Variants in GALNT11 observed in about 807,000 individuals in gnomAD.
The protein encoded by GALNT11 is UDP-GalNAc:polypeptide N-acetylgalactosaminyltransferase 11.
In GALNT11, 47 loss-of-function variants were observed where a neutral mutation model predicts 72.7. That is an observed-to-expected ratio of 0.65 (90% confidence interval 0.51 to 0.82). The LOEUF is 0.82. Among genes scored for constraint, GALNT11 ranks in the 40% least tolerant of loss-of-function variants. The pLI is 0.00. For synonymous variants in GALNT11, 270 were observed against 286.6 expected (o/e 0.94, Z 0.58); for missense variants, 677 against 778.4 (o/e 0.87, Z 1.55).
rs577807144 is a variant in GALNT11, at chr7:152,035,253, C to T, written c.-39+9369C>T. The stretch of plus-strand genomic sequence containing the variant: ...ATTATGTCTTTCTAATTGGTGAGCC[C>T]GGGTGCCTAAAGAAGGTTAACAGAG... On this transcript the variant is annotated intron_variant, in intron 1 of 11. Coordinates refer to ENST00000430044, the MANE Select transcript of GALNT11 (RefSeq NM_022087.4). Among the ~76,000 whole-genome samples, 38 of 152,200 alleles carry T rather than the reference C, an allele frequency of 2.5e-4. No homozygotes were observed. The South Asian group carries it at 4.8e-3, about 19-fold the overall frequency.
intron 1 of GALNT11, among the ~76,000 whole-genome samples, chr7:152,076,924 A>G (rs1441823952): frequency 1.3e-5 from 2 of 152,178 alleles, no homozygotes; most frequent in Admixed American, 6.5e-5. Context: ...GGAGGAAAAA[A>G]GTTTTCTGAA....
chr7:152,120,996 AATGCGCAG>A, intron 11 of GALNT11, 28 bp downstream of exon 11: 1 of 1,604,842 alleles, frequency 6.2e-7, no homozygotes, highest in Non-Finnish European at 8.5e-7. Context: ...ATGTTGGGAG[AATGCGCAG>A]AGGCCCACAA....
chr7:152,068,515 T>C (rs2084444941), intron 1 of GALNT11, among the ~76,000 whole-genome samples: 1 of 152,236 alleles, frequency 6.6e-6, no homozygotes, highest in Non-Finnish European at 1.5e-5. Flanking sequence ...TTTGATAGTT[T>C]AAAGAAATTG....
At chr7:152,045,352 G>T (rs1563044715) in intron 1 of GALNT11, among the ~76,000 whole-genome samples, 1 of 152,050 alleles carries the variant, frequency 6.6e-6, no homozygotes, top group African/African-American at 2.4e-5. Context: ...GAATAGTTTC[G>T]GTAGGATTGG....
intron 1 of GALNT11, among the ~76,000 whole-genome samples, chr7:152,030,649 C>T (rs1480012596): frequency 2.6e-5 from 4 of 152,070 alleles, no homozygotes; most frequent in Admixed American, 1.3e-4. Context: ...TCTTTGATGA[C>T]TTCTTTGTCT....
intron 1 of GALNT11, among the ~76,000 whole-genome samples, chr7:152,069,899 G>A (rs764498643): frequency 8.2e-4 from 124 of 152,078 alleles, no homozygotes; most frequent in Non-Finnish European, 1.2e-3. Flanking sequence ...GACAATTCAC[G>A]TTAGAAGTGA....
intron 2 of GALNT11, among the ~76,000 whole-genome samples, chr7:152,099,503 A>G (rs1166169796): frequency 7.2e-6 from 1 of 139,300 alleles, no homozygotes; most frequent in Non-Finnish European, 1.5e-5. Flanking sequence ...AGCTGGGACT[A>G]CGGGAATGCA....
intron 3 of GALNT11, 105 bp from the exon 4 acceptor site, chr7:152,103,006 TG>T: frequency 1.3e-6 from 1 of 757,796 alleles, no homozygotes; most frequent in Non-Finnish European, 1.8e-6. Context: ...AGGCAGGGGG[TG>T]GGGGAAGAGG....
At chr7:152,083,807 T>C (rs1211494662) in intron 1 of GALNT11, among the ~76,000 whole-genome samples, 1 of 152,236 alleles carries the variant, frequency 6.6e-6, no homozygotes, top group Non-Finnish European at 1.5e-5. Context: ...GGATTTTGTG[T>C]CTTTTTATCC....
chr7:152,117,575 G>A (rs1009460503), intron 9 of GALNT11, 200 bp downstream of exon 9: 5 of 572,954 alleles, frequency 8.7e-6, no homozygotes, highest in East Asian at 5.8e-5. Context: ...TTGCCTTGCC[G>A]GCATAGCTGC....
At chr7:152,071,109 G>GTT (rs1432110148) in intron 1 of GALNT11, among the ~76,000 whole-genome samples, 1 of 150,450 alleles carries the variant, frequency 6.6e-6, no homozygotes, top group African/African-American at 2.4e-5. Context: ...TGCTAATGAA[G>GTT]TTTCGGGCAC....
At chr7:152,067,533 C>T (rs1216564215) in intron 1 of GALNT11, among the ~76,000 whole-genome samples, 3 of 151,936 alleles carry the variant, frequency 2.0e-5, no homozygotes, top group East Asian at 2.0e-4. Context: ...ACGGCTATTA[C>T]GAGCTCTTCA....
rs569288070 is a variant in GALNT11, at chr7:152,075,889, G to C, written c.-38-18301G>C. On this transcript the variant is annotated intron_variant, in intron 1 of 11. Coordinates refer to ENST00000430044, the MANE Select transcript of GALNT11 (RefSeq NM_022087.4). Reference sequence around the variant, plus strand: ...ATCCTGGCTAACACACTGAAACCCCGTCTCTACTAAAAATACAAAAAAATT... The same window carrying C: ...ATCCTGGCTAACACACTGAAACCCCCTCTCTACTAAAAATACAAAAAAATT... 2.5e-4 allele frequency among the ~76,000 whole-genome samples: 38 copies of C among 151,134 alleles called. 1 individual carries two copies. Among genetic ancestry groups the C allele is most frequent in the African/African-American group, 9.0e-4 (37 of 41,180 alleles).
At chr7:152,093,004 A>G (rs1157037654) in intron 1 of GALNT11, among the ~76,000 whole-genome samples, 2 of 152,148 alleles carry the variant, frequency 1.3e-5, no homozygotes, top group Non-Finnish European at 2.9e-5. Flanking sequence ...CAAGGCGGGC[A>G]GATCACCTGA....
At chr7:152,091,061 T>G (rs35544535) in intron 1 of GALNT11, among the ~76,000 whole-genome samples, 15,283 of 151,604 alleles carry the variant, frequency 0.1, 1,595 homozygotes, top group African/African-American at 0.25. Flanking sequence ...TGTTGTTGTT[T>G]TTTTCATGTG....
At chr7:152,114,431 C>T (rs533425591) in intron 8 of GALNT11, among the ~76,000 whole-genome samples, 7 of 152,290 alleles carry the variant, frequency 4.6e-5, no homozygotes, top group South Asian at 2.1e-4. Context: ...TTGAGCATGG[C>T]GTTTTCAGGT....
chr7:152,029,265 TTTG>T (rs953065782), intron 1 of GALNT11, among the ~76,000 whole-genome samples: 21 of 152,166 alleles, frequency 1.4e-4, no homozygotes, highest in African/African-American at 4.8e-4. Context: ...CTGGATAGAT[TTTG>T]TTATTTCTTG....
intron 2 of GALNT11, 69 bp from the exon 3 acceptor site, chr7:152,100,729 C>G: frequency 6.4e-7 from 1 of 1,559,008 alleles, no homozygotes; most frequent in Middle Eastern, 1.7e-4. Flanking sequence ...TTCTTAAGAT[C>G]ATAATATCGT....
At chr7:152,083,439 T>C (rs1051895449) in intron 1 of GALNT11, among the ~76,000 whole-genome samples, 2 of 152,216 alleles carry the variant, frequency 1.3e-5, no homozygotes, top group Non-Finnish European at 2.9e-5. Flanking sequence ...TGTGATGTTT[T>C]CTTTATTTAT....
Sources: allele counts gnomAD v4.1 joint callset (sites outside exome capture counted in the v4.1 genomes callset), GRCh38; gene constraint gnomAD v4.1.1; transcripts MANE v1.5; gene names NCBI Gene and HGNC (gene_info 2026-07-23, HGNC 2026-07-21).